The following FAM200B variants were observed in gnomAD, a reference collection of about 807,000 sequenced individuals.
FAM200B encodes zinc finger BED-type containing 11.
Under a neutral mutation model 33.1 loss-of-function variants are expected in FAM200B, and 32 were observed. That is an observed-to-expected ratio of 0.97 (90% CI 0.73 to 1.30). The LOEUF is 1.30. Among genes scored for constraint, FAM200B ranks in the 50% most tolerant of loss-of-function variants. The probability of loss-of-function intolerance (pLI) is 0.00; values close to 1 mark genes in which losing one functional copy is unlikely to be tolerated. For missense variants in FAM200B, 741 were observed against 754.0 expected (o/e 0.98, Z 0.20); for synonymous variants, 240 against 264.8 (o/e 0.91, Z 0.91).
At chr4:15,677,882 G>A (rs1179165307), upstream of FAM200B, among the ~76,000 whole-genome samples, 1 of 152,092 alleles carries the variant, frequency 6.6e-6, no homozygotes, top group Non-Finnish European at 1.5e-5. Flanking sequence ...GGGAATACCT[G>A]AGACTTGTGG....
chr4:15,657,026 AAGAAAT>A, the FAM200B span, among the ~76,000 whole-genome samples: 1 of 152,240 alleles, frequency 6.6e-6, no homozygotes, highest in Non-Finnish European at 1.5e-5. Context: ...AATAAGGCTT[AAGAAAT>A]AGAATAATAA....
intron 1 of FAM200B, among the ~76,000 whole-genome samples, chr4:15,683,142 A>G (rs1718499073): frequency 1.3e-5 from 2 of 152,240 alleles, no homozygotes; most frequent in Non-Finnish European, 2.9e-5. Context: ...GCATTAAGCA[A>G]GTAAGACAAC....
chr4:15,656,390 G>A, the FAM200B span: 5 of 430,122 alleles, frequency 1.2e-5, no homozygotes, highest in South Asian at 8.0e-5. Flanking sequence ...TGAGAACCTT[G>A]GGAGGAATTG....
the FAM200B span, among the ~76,000 whole-genome samples, chr4:15,640,556 T>C: frequency 3.3e-5 from 5 of 152,028 alleles, no homozygotes; most frequent in African/African-American, 1.2e-4. Flanking sequence ...AATTAATATT[T>C]CCTGAGTAAA....
At chr4:15,654,241 G>A in the FAM200B span, among the ~76,000 whole-genome samples, 78 of 152,204 alleles carry the variant, frequency 5.1e-4, no homozygotes, top group Non-Finnish European at 9.1e-4. Flanking sequence ...GTAGTCATTT[G>A]AATGCTTTAT....
At chr4:15,667,269 A>G in the FAM200B span, among the ~76,000 whole-genome samples, 3 of 152,212 alleles carry the variant, frequency 2.0e-5, no homozygotes, top group Non-Finnish European at 2.9e-5. Context: ...GAAAACATGT[A>G]CAAGTACCTA....
intron 1 of FAM200B, chr4:15,685,003 G>A (rs902688975): frequency 3.3e-5 from 5 of 152,118 alleles, no homozygotes; most frequent in African/African-American, 9.7e-5. Context: ...TTTAACCATC[G>A]TTAAAGCATT....
At chr4:15,681,717 C>G (rs1053192151), upstream of FAM200B, 1 of 152,796 alleles carries the variant, frequency 6.5e-6, no homozygotes, top group African/African-American at 2.4e-5. Flanking sequence ...CCCCGGACAC[C>G]GCCCCGGTCT....
chr4:15,651,901 A>G, the FAM200B span, among the ~76,000 whole-genome samples: 253 of 152,276 alleles, frequency 1.7e-3, no homozygotes, highest in African/African-American at 6.0e-3. Flanking sequence ...AATCAATTCA[A>G]AGAGACCACT....
At chr4:15,654,545 T>C in the FAM200B span, among the ~76,000 whole-genome samples, 1 of 152,134 alleles carries the variant, frequency 6.6e-6, no homozygotes, top group Admixed American at 6.5e-5. Flanking sequence ...ATCCAGTAAG[T>C]GTTCAGGGCA....
chr4:15,685,939 T>C (rs1718801983), intron 1 of FAM200B, among the ~76,000 whole-genome samples: 2 of 152,152 alleles, frequency 1.3e-5, no homozygotes, highest in South Asian at 4.1e-4. Context: ...GAAGTATGTA[T>C]GGTGAATAAG....
upstream of FAM200B, among the ~76,000 whole-genome samples, chr4:15,678,095 T>G (rs1038042754): frequency 6.6e-6 from 1 of 152,190 alleles, no homozygotes; most frequent in African/African-American, 2.4e-5. Context: ...ATAAATTATA[T>G]ATTTAATAGG....
the FAM200B span, among the ~76,000 whole-genome samples, chr4:15,663,454 G>A: frequency 6.6e-6 from 1 of 152,154 alleles, no homozygotes; most frequent in Admixed American, 6.5e-5. Context: ...ACTGGAGTTG[G>A]ACTGATTGTC....
chr4:15,636,871 T>G, the FAM200B span, among the ~76,000 whole-genome samples: 1 of 152,214 alleles, frequency 6.6e-6, no homozygotes, highest in Non-Finnish European at 1.5e-5. Flanking sequence ...AGGGTTAAAC[T>G]ATCATGGCCC....
At chr4:15,680,791 G>A (rs946911644), upstream of FAM200B, among the ~76,000 whole-genome samples, 1 of 151,734 alleles carries the variant, frequency 6.6e-6, no homozygotes, top group Non-Finnish European at 1.5e-5. Flanking sequence ...GTCGCATTAA[G>A]TTTCAGAGTT....
the FAM200B span, among the ~76,000 whole-genome samples, chr4:15,657,231 T>G: frequency 3.3e-5 from 5 of 152,180 alleles, no homozygotes; most frequent in Non-Finnish European, 7.4e-5. Flanking sequence ...GAATCAGACC[T>G]CAGGTGAACC....
At chr4:15,655,305 C>T in the FAM200B span, 1 of 1,387,284 alleles carries the variant, frequency 7.2e-7, no homozygotes, top group Non-Finnish European at 9.6e-7. Flanking sequence ...GCCTCAGCCT[C>T]CGCCTCAGCA....
At position 15,688,035 on chromosome 4, in the gene FAM200B, T is replaced by C; in HGVS notation, c.1058T>C (p.Val353Ala). The C allele has an allele frequency of 6.4e-7, 1 of 1,551,186 alleles. No individual in the cohort carries two copies. Among genetic ancestry groups the C allele is most frequent in the Non-Finnish European group, 8.7e-7 (1 of 1,146,696 alleles). The change falls in exon 2 of 2, where the codon GTT becomes GCT. Residue 353 changes from valine (V) to alanine (A), a missense_variant. Transcript: ENST00000422728. Reference sequence around the variant, plus strand: ...GTATTGAAAAATGCAGTGAAAGTTGTTAATTTTATTAAAGGAAGCTCATTG... The same window carrying C: ...GTATTGAAAAATGCAGTGAAAGTTGCTAATTTTATTAAAGGAAGCTCATTG... ...MEVLKNAVKV[V>A]NFIKGSSLNS... is the part of the protein sequence containing the mutation.
the FAM200B span, among the ~76,000 whole-genome samples, chr4:15,670,390 T>G: frequency 6.6e-6 from 1 of 152,244 alleles, no homozygotes; most frequent in African/African-American, 2.4e-5. Flanking sequence ...CTTGGCAGTA[T>G]TCTTTGCTCT....
Sources: allele counts gnomAD v4.1 joint callset (sites outside exome capture counted in the v4.1 genomes callset), GRCh38; gene constraint gnomAD v4.1.1; transcripts MANE v1.5; gene names NCBI Gene and HGNC (gene_info 2026-07-23, HGNC 2026-07-21).